R3HDM2: variants seen among roughly 807,000 people sequenced by gnomAD.
The protein encoded by R3HDM2 is R3H domain-containing protein 2.
Under a neutral mutation model 124.5 loss-of-function variants are expected in R3HDM2, and 38 were observed. The observed-to-expected ratio is 0.31, with a 90% CI of 0.24 to 0.40. The LOEUF is 0.40. R3HDM2 is among the 10% of genes least tolerant of loss of function. R3HDM2 has a pLI of 1.00. For missense variants in R3HDM2, 869 were observed against 1,236.9 expected, an observed-to-expected ratio of 0.70 and a Z score of 4.46; for synonymous variants, 391 against 448.0, an observed-to-expected ratio of 0.87 and a Z score of 1.61.
intron 15 of R3HDM2, 26 bp from the exon 16 acceptor site, chr12:57,269,475 G>A (rs1470585504): frequency 1.9e-6 from 3 of 1,609,858 alleles, no homozygotes. Flanking sequence ...ACAGATGTGT[G>A]AGAAGTCCCT....
intron 2 of R3HDM2, among the ~76,000 whole-genome samples, chr12:57,385,152 TCAAA>T (rs999086802): frequency 1.3e-5 from 2 of 150,422 alleles, no homozygotes; most frequent in African/African-American, 2.5e-5. Context: ...AGACTCCATC[TCAAA>T]CAAACAAACA....
In R3HDM2 at chr12:57,265,088, C is replaced by A. The variant is rs531724462; in HGVS notation, c.2131+1643G>T. Among the ~76,000 whole-genome samples the A allele has an allele frequency of 7.9e-5, 12 of 152,286 alleles. No individual in the cohort carries two copies. The East Asian group carries it at 1.9e-3, about 24-fold the overall frequency. Reference sequence around the variant, plus strand: ...AAACTTATTAACTTGGAATGGCTGGCCTCTCCAAAGAGGGCCCTTAGCTGT... The same window carrying A: ...AAACTTATTAACTTGGAATGGCTGGACTCTCCAAAGAGGGCCCTTAGCTGT... On this transcript the variant is annotated intron_variant, in intron 19 of 23. Transcript: ENST00000402412.
chr12:57,288,811 ATAAAAT>A (rs1314574754), intron 12 of R3HDM2, 192 bp downstream of exon 12: 49 of 1,473,522 alleles, frequency 3.3e-5, no homozygotes, highest in Non-Finnish European at 4.5e-5. Context: ...GCAAAACAAA[ATAAAAT>A]TAAAAATAAA....
At chr12:57,359,951 C>T (rs964364044) in intron 2 of R3HDM2, among the ~76,000 whole-genome samples, 2 of 147,938 alleles carry the variant, frequency 1.4e-5, no homozygotes, top group African/African-American at 5.0e-5. Context: ...ACAATACAGG[C>T]TTGAACTGCA....
chr12:57,322,780 C>G (rs923147052), intron 2 of R3HDM2, among the ~76,000 whole-genome samples: 1 of 152,128 alleles, frequency 6.6e-6, no homozygotes, highest in Non-Finnish European at 1.5e-5. Flanking sequence ...TCCAACCTAG[C>G]TGTGTCTGAT....
intron 12 of R3HDM2, 46 bp from the exon 13 acceptor site, chr12:57,284,102 G>C (rs1395716181): frequency 9.5e-6 from 14 of 1,477,750 alleles, no homozygotes; most frequent in Non-Finnish European, 1.2e-5. Flanking sequence ...CACCACTTTA[G>C]CAGAAGGGCT....
intron 2 of R3HDM2, among the ~76,000 whole-genome samples, chr12:57,312,118 C>G (rs1027356990): frequency 1.3e-5 from 2 of 152,126 alleles, no homozygotes; most frequent in Non-Finnish European, 2.9e-5. Context: ...CAGTGTAGCC[C>G]TAGAAATGGA....
intron 2 of R3HDM2, among the ~76,000 whole-genome samples, chr12:57,367,427 T>C (rs1594021218): frequency 6.6e-6 from 1 of 152,202 alleles, no homozygotes; most frequent in South Asian, 2.1e-4. Flanking sequence ...ACAGTGTAGG[T>C]TTAGGGGAAC....
rs189296023 is a variant in R3HDM2 at position 57,355,446 on chromosome 12, G to A, written c.-36+40303C>T. On this transcript the variant is annotated intron_variant, in intron 2 of 23. Coordinates refer to ENST00000402412, the MANE Select transcript of R3HDM2 (RefSeq NM_001394031.1). The stretch of plus-strand genomic sequence containing the variant: ...TGCACTCCAGCCTGGGCAACAGAGC[G>A]AGACTGTCTCAAAAAAAAAAAAAAA... 4.8e-4 allele frequency among the ~76,000 whole-genome samples: 65 copies of A among 136,504 alleles called. 1 individual carries two copies. In the East Asian group the frequency reaches 0.01, roughly 21 times the overall value. 89.6% of individuals were successfully genotyped at this position (136,504 alleles called of 152,430 possible).
At chr12:57,313,746 T>G (rs2054409490) in intron 2 of R3HDM2, among the ~76,000 whole-genome samples, 1 of 150,966 alleles carries the variant, frequency 6.6e-6, no homozygotes, top group Non-Finnish European at 1.5e-5. Context: ...CTGGATGTGG[T>G]GGAGTGTGCC....
intron 2 of R3HDM2, among the ~76,000 whole-genome samples, chr12:57,344,044 T>C (rs915940441): frequency 3.3e-5 from 5 of 152,190 alleles, no homozygotes; most frequent in Admixed American, 6.6e-5. Flanking sequence ...TAGATACATA[T>C]ACAAACTTAC....
chr12:57,431,099 C>T (rs1204444193), upstream of R3HDM2: 1 of 152,278 alleles, frequency 6.6e-6, no homozygotes, highest in Admixed American at 6.5e-5. Context: ...TGCTTCCTGG[C>T]TTCCCGCGTG....
intron 3 of R3HDM2, among the ~76,000 whole-genome samples, chr12:57,309,328 A>C (rs996631116): frequency 6.6e-6 from 1 of 152,204 alleles, no homozygotes; most frequent in Non-Finnish European, 1.5e-5. Flanking sequence ...GGGCTTGGGT[A>C]ACAGAAGAAA....
In R3HDM2 at chr12:57,403,884, T is replaced by C. The variant is rs75275360; in HGVS notation, c.-105-8066A>G. ...TTTCTATCCTTAAAACTTTGAACCA[T>C]ATAAATGTAATACCAATTCAAACAG... On this transcript the variant is annotated intron_variant, in intron 1 of 23. Coordinates refer to ENST00000402412, the MANE Select transcript of R3HDM2 (RefSeq NM_001394031.1). Among the ~76,000 whole-genome samples, 130 of 151,802 alleles carry C rather than the reference T, an allele frequency of 8.6e-4. 3 individuals are homozygous for C. The East Asian group carries it at 0.02, about 24-fold the overall frequency.
At chr12:57,395,606 G>T in intron 2 of R3HDM2, 143 bp downstream of exon 2, 1 of 213,648 alleles carries the variant, frequency 4.7e-6, no homozygotes, top group Non-Finnish European at 8.0e-6. Context: ...TGCACTCTCT[G>T]CATCTCAATT....
At chr12:57,267,354 A>T (rs2042682541) in intron 18 of R3HDM2, among the ~76,000 whole-genome samples, 2 of 152,240 alleles carry the variant, frequency 1.3e-5, no homozygotes, top group African/African-American at 2.4e-5. Flanking sequence ...CAGGAGTTCG[A>T]GACCAACCTG....
chr12:57,425,236 C>T (rs556447937), intron 1 of R3HDM2, among the ~76,000 whole-genome samples: 64 of 150,988 alleles, frequency 4.2e-4, no homozygotes, highest in East Asian at 3.3e-3. Context: ...CGTGCCATTG[C>T]ACTCCAACCT....
At chr12:57,331,663 C>G (rs1454990390) in intron 2 of R3HDM2, among the ~76,000 whole-genome samples, 1 of 151,988 alleles carries the variant, frequency 6.6e-6, no homozygotes, top group Non-Finnish European at 1.5e-5. Flanking sequence ...GCCTGTAATC[C>G]CAGCACTTTG....
In R3HDM2 at chr12:57,253,844, G is replaced by A; in HGVS notation, c.*929C>T. 11 of 162,064 alleles carry A rather than the reference G, an allele frequency of 6.8e-5. No individual in the cohort carries two copies. Among genetic ancestry groups the A allele is most frequent in the Non-Finnish European group, 1.5e-4 (11 of 75,386 alleles). The allele number at this position is 162,064 out of a possible 1,614,324, so 10.0% of individuals were successfully genotyped here. ...TAACCCCCAAACAAACAAAAAAACAGATTAAATAAAATTTACAGTGAATAT... is the reference window on the plus strand; with the variant it reads ...TAACCCCCAAACAAACAAAAAAACAAATTAAATAAAATTTACAGTGAATAT... On this transcript the variant is annotated 3_prime_UTR_variant, in exon 24 of 24. Coordinates refer to ENST00000402412, the MANE Select transcript of R3HDM2 (RefSeq NM_001394031.1).
Sources: allele counts gnomAD v4.1 joint callset (sites outside exome capture counted in the v4.1 genomes callset), GRCh38; gene constraint gnomAD v4.1.1; transcripts MANE v1.5; gene names NCBI Gene and HGNC (gene_info 2026-07-23, HGNC 2026-07-21).